Variants in SPINT2 observed in about 807,000 individuals in gnomAD.
SPINT2 encodes the protein kunitz-type protease inhibitor 2.
SPINT2 carries 18 observed loss-of-function variants against 30.1 expected under a neutral mutation model. That is an observed-to-expected ratio of 0.60 (90% CI 0.41 to 0.89). SPINT2 has a LOEUF of 0.89. Among genes scored for constraint, SPINT2 ranks in the 40% least tolerant of loss-of-function variants. The pLI is 0.00. For synonymous variants in SPINT2, 139 were observed against 137.9 expected (o/e 1.01, Z -0.05); for missense variants, 276 against 334.3 (o/e 0.83, Z 1.36).
At chr19:38,291,743 G>A in intron 6 of SPINT2, 97 bp from the exon 7 acceptor site, 1 of 1,479,512 alleles carries the variant, frequency 6.8e-7, no homozygotes, top group Non-Finnish European at 9.1e-7. Flanking sequence ...TGGTCCTCAG[G>A]CTGAGCCCAC....
chr19:38,283,183 C>T (rs528902149), intron 1 of SPINT2, among the ~76,000 whole-genome samples: 99 of 152,066 alleles, frequency 6.5e-4, no homozygotes, highest in African/African-American at 2.3e-3. Context: ...AGCATGGTGG[C>T]GCACGCCTGT....
At chr19:38,273,050 T>A (rs549440491) in intron 1 of SPINT2, among the ~76,000 whole-genome samples, 2 of 152,162 alleles carry the variant, frequency 1.3e-5, no homozygotes, top group East Asian at 3.9e-4. Context: ...ATCTAAATAT[T>A]TTATATAGAA....
At chr19:38,267,446 T>C (rs1346365113) in intron 1 of SPINT2, among the ~76,000 whole-genome samples, 1 of 151,946 alleles carries the variant, frequency 6.6e-6, no homozygotes. Context: ...TGGGGGTTGG[T>C]CAAGGAATTT....
At chr19:38,282,034 G>T (rs977798926) in intron 1 of SPINT2, among the ~76,000 whole-genome samples, 2 of 152,230 alleles carry the variant, frequency 1.3e-5, no homozygotes, top group Admixed American at 6.5e-5. Context: ...TGCTTCAGAA[G>T]ATGCTTTTTC....
At chr19:38,284,748 GTTATT>G (rs903434173) in intron 2 of SPINT2, among the ~76,000 whole-genome samples, 5 of 152,068 alleles carry the variant, frequency 3.3e-5, no homozygotes, top group African/African-American at 4.8e-5. Flanking sequence ...GGGTATTTGG[GTTATT>G]TTATTTTATT....
chr19:38,274,225 C>CAA (rs34817794), intron 1 of SPINT2, among the ~76,000 whole-genome samples: 203 of 136,498 alleles, frequency 1.5e-3, no homozygotes, highest in South Asian at 5.1e-3. Context: ...GTCCCTGTCT[C>CAA]AAAAAAAAAA....
At chr19:38,289,061 C>A in intron 3 of SPINT2, 77 bp from the exon 4 acceptor site, 1 of 1,359,402 alleles carries the variant, frequency 7.4e-7, no homozygotes, top group Non-Finnish European at 1.1e-6. Flanking sequence ...CTCAGTGGGC[C>A]CTTCCAGACC....
At chr19:38,282,862 C>A (rs376520963) in intron 1 of SPINT2, among the ~76,000 whole-genome samples, 2 of 152,222 alleles carry the variant, frequency 1.3e-5, no homozygotes, top group African/African-American at 4.8e-5. Flanking sequence ...AGGAAAAGCA[C>A]GTGTGAGGAC....
intron 3 of SPINT2, 97 bp from the exon 4 acceptor site, chr19:38,289,041 G>A (rs1968678235): frequency 1.8e-6 from 2 of 1,108,604 alleles, no homozygotes; most frequent in Admixed American, 3.4e-5. Context: ...TTAAAGGCGT[G>A]TCCACACTCC....
At chr19:38,271,216 G>C (rs971979669) in intron 1 of SPINT2, among the ~76,000 whole-genome samples, 2 of 152,198 alleles carry the variant, frequency 1.3e-5, no homozygotes, top group Middle Eastern at 3.2e-3. Flanking sequence ...GCGAGGCCGG[G>C]CGCGGTGGCT....
At chr19:38,289,562 A>G (rs919035059) in intron 4 of SPINT2, 7 of 228,142 alleles carry the variant, frequency 3.1e-5, no homozygotes, top group Admixed American at 1.1e-4. Flanking sequence ...TTAGTTGGGT[A>G]TTGAGAGACA....
chr19:38,278,005 T>C (rs922264368), intron 1 of SPINT2, among the ~76,000 whole-genome samples: 7 of 152,238 alleles, frequency 4.6e-5, no homozygotes, highest in African/African-American at 1.7e-4. Context: ...AGTCATATTT[T>C]TCATGATTGC....
At chr19:38,265,610 T>A (rs1002533494) in intron 1 of SPINT2, 1 of 152,226 alleles carries the variant, frequency 6.6e-6, no homozygotes, top group Admixed American at 6.6e-5. Context: ...GGTGTTGGGG[T>A]CTTTGGATTG....
Position 38,292,003 on chromosome 19 carries a change from G to A in SPINT2, c.756G>A (p.Leu252=), listed in dbSNP as rs1485117106. The A allele has an allele frequency of 9.9e-6, 16 of 1,613,918 alleles. No individual in the cohort carries two copies. Among genetic ancestry groups the A allele is most frequent in the Non-Finnish European group, 1.4e-5 (16 of 1,180,004 alleles). Residue 252 remains leucine (L), a synonymous_variant, in exon 7 of 7, where the codon CTG becomes CTA. Transcript: ENST00000301244. ...AGCTGGTGAAGAACACATATGTCCT[G>A]TGACCGCCCTGTCGCCAAGAGGACT... ...KEQLVKNTYV[L]
Position 38,292,196 on chromosome 19 carries a change from C to CA in SPINT2, c.*191dup. 2.8e-6 allele frequency: 2 copies of CA among 703,462 alleles called. No homozygotes were observed. Among genetic ancestry groups the CA allele is most frequent in the Non-Finnish European group, 4.7e-6 (2 of 423,592 alleles). The allele number at this position is 703,462 out of a possible 1,614,324, so 43.6% of individuals were successfully genotyped here. ...AAATCCTCTAGGAGGCTCCTCCTCG[C>CA]ATGGCCTGCAGTCTGGCAGCAGCCC... is the stretch of plus-strand genomic sequence containing the variant. On this transcript the variant is annotated 3_prime_UTR_variant, in exon 7 of 7. Coordinates refer to ENST00000301244, the MANE Select transcript of SPINT2 (RefSeq NM_021102.4).
intron 1 of SPINT2, among the ~76,000 whole-genome samples, chr19:38,266,562 G>A (rs145358138): frequency 1.7e-3 from 265 of 152,170 alleles, no homozygotes; most frequent in African/African-American, 6.1e-3. Context: ...TGTAGTCCCG[G>A]CTACTCGGGA....
In SPINT2 at chr19:38,291,866, A is replaced by G. The variant is rs764919245; in HGVS notation, c.619A>G (p.Met207Val). The G allele has an allele frequency of 1.9e-6, 3 of 1,612,866 alleles. No homozygotes were observed. The highest frequency in any genetic ancestry group is 4.5e-5 in the East Asian group (2 of 44,862). ...GGTGGTTCTGGCGGGGCTGTTCGTGATGGTGTTGATCCTCTTCCTGGGAGC... is the reference window on the plus strand; with the variant it reads ...GGTGGTTCTGGCGGGGCTGTTCGTGGTGGTGTTGATCCTCTTCCTGGGAGC... ...KVVVLAGLFV[M>V]VLILFLGASM... is the part of the protein sequence containing the mutation. Residue 207 changes from methionine (M) to valine (V), a missense_variant, in exon 7 of 7, where the codon ATG becomes GTG. Coordinates refer to ENST00000301244, the MANE Select transcript of SPINT2 (RefSeq NM_021102.4).
chr19:38,280,783 G>C (rs764293108), intron 1 of SPINT2, among the ~76,000 whole-genome samples: 1 of 152,176 alleles, frequency 6.6e-6, no homozygotes, highest in Non-Finnish European at 1.5e-5. Flanking sequence ...TGGGCGCCGG[G>C]TGTTGTTGGG....
chr19:38,264,639 T>G lies in SPINT2; in HGVS notation c.-254T>G. 2 of 496,054 alleles carry G rather than the reference T, an allele frequency of 4.0e-6. No homozygotes were observed. The highest frequency in any genetic ancestry group is 3.8e-5 in the East Asian group (1 of 26,388). 30.7% of individuals were successfully genotyped at this position (496,054 alleles called of 1,614,324 possible). A position where few individuals can be genotyped will look rare whatever the true frequency, so the allele number is the denominator to read the frequency against. On this transcript the variant is annotated 5_prime_UTR_variant, in exon 1 of 7. Transcript: ENST00000301244. Reference sequence around the variant, plus strand: ...GCGGCTCTGAACGCGCTGAGGGCCGTTGAGTGTCGCAGGCGGCGAGGGCGC... The same window carrying G: ...GCGGCTCTGAACGCGCTGAGGGCCGGTGAGTGTCGCAGGCGGCGAGGGCGC...
Sources: gnomAD v4.1 joint callset for allele counts (sites outside exome capture counted in the v4.1 genomes callset) on GRCh38, gnomAD v4.1.1 for gene constraint, MANE v1.5 for transcripts, NCBI Gene and HGNC (gene_info 2026-07-23, HGNC 2026-07-21) for gene names.